MDGA2: variants seen among roughly 807,000 people sequenced by gnomAD.
MDGA2 encodes the protein MAM domain-containing glycosylphosphatidylinositol anchor protein 2.
In MDGA2, 40 loss-of-function variants were observed where a neutral mutation model predicts 117.8. The ratio of observed to expected loss-of-function variants is 0.34; its 90% confidence interval spans 0.26 to 0.44. The LOEUF (loss-of-function observed/expected upper bound fraction) is 0.44. Ranked by LOEUF, MDGA2 falls within the 20% of genes least tolerant of loss-of-function variation. The pLI, the probability that MDGA2 is intolerant of heterozygous loss-of-function variation, is 1.00. For missense variants in MDGA2, 1,123 were observed against 1,250.6 expected (o/e 0.90, Z 1.54); for synonymous variants, 452 against 439.0 (o/e 1.03, Z -0.37).
intron 4 of MDGA2, 133 bp downstream of exon 4, chr14:47,143,945 A>C: frequency 2.0e-6 from 1 of 502,536 alleles, no homozygotes. Flanking sequence ...CTAATCTTTA[A>C]GTCAAGCACA....
At chr14:47,094,650 G>C (rs1594613720) in intron 6 of MDGA2, among the ~76,000 whole-genome samples, 3 of 151,988 alleles carry the variant, frequency 2.0e-5, no homozygotes, top group East Asian at 3.9e-4. Context: ...CTTAAGGATA[G>C]ATGTTGCAGT....
At chr14:46,874,246 C>A (rs568046688) in intron 12 of MDGA2, 46 bp from the exon 13 acceptor site, 15 of 912,818 alleles carry the variant, frequency 1.6e-5, no homozygotes, top group Non-Finnish European at 2.2e-5. Context: ...AATTAATACA[C>A]ATACTGCAAT....
chr14:47,174,901 G>A (rs1156505974), intron 3 of MDGA2, among the ~76,000 whole-genome samples: 3 of 152,014 alleles, frequency 2.0e-5, no homozygotes, highest in African/African-American at 7.3e-5. Flanking sequence ...TAGACTGCTT[G>A]CAAGACTAAT....
At chr14:47,397,892 C>T (rs1249693789) in intron 1 of MDGA2, among the ~76,000 whole-genome samples, 1 of 152,074 alleles carries the variant, frequency 6.6e-6, no homozygotes, top group Non-Finnish European at 1.5e-5. Context: ...GCATTTGCCT[C>T]ACCTTTTTAG....
chr14:47,191,238 A>G lies in MDGA2; in HGVS notation c.595+26783T>C, dbSNP rs1369339692. ...CTTCAAATATTTGAAAACAATATGG[A>G]GACCCTAGAAACCTACCATAATGTT... is the stretch of plus-strand genomic sequence containing the variant. On this transcript the variant is annotated intron_variant, in intron 3 of 16. Transcript: ENST00000399232. Among the ~76,000 whole-genome samples, 3 of 151,914 alleles carry G rather than the reference A, an allele frequency of 2.0e-5. No individual in the cohort carries two copies. The East Asian group carries it at 5.8e-4, about 29-fold the overall frequency.
chr14:47,211,349 C>G (rs1308581548), intron 3 of MDGA2, among the ~76,000 whole-genome samples: 1 of 152,124 alleles, frequency 6.6e-6, no homozygotes, highest in Non-Finnish European at 1.5e-5. Flanking sequence ...ACCAAAAACA[C>G]AAGACTCCTG....
At chr14:47,633,239 G>A (rs1897268999) in intron 1 of MDGA2, among the ~76,000 whole-genome samples, 1 of 151,960 alleles carries the variant, frequency 6.6e-6, no homozygotes, top group Non-Finnish European at 1.5e-5. Context: ...AGCTCTTAAG[G>A]GTCAGGACTA....
intron 1 of MDGA2, among the ~76,000 whole-genome samples, chr14:47,553,083 G>A (rs538789899): frequency 7.9e-5 from 12 of 152,230 alleles, no homozygotes; most frequent in Middle Eastern, 3.4e-3. Flanking sequence ...AACCTGAGGC[G>A]GCCCTAACCT....
intron 7 of MDGA2, among the ~76,000 whole-genome samples, chr14:47,053,652 T>TACACACAC (rs1244737107): frequency 4.4e-5 from 4 of 91,784 alleles, no homozygotes; most frequent in Non-Finnish European, 8.7e-5. Context: ...TATATATATA[T>TACACACAC]ATACACACAC....
intron 2 of MDGA2, among the ~76,000 whole-genome samples, chr14:47,276,061 G>A (rs1888302093): frequency 6.6e-6 from 1 of 152,164 alleles, no homozygotes; most frequent in Non-Finnish European, 1.5e-5. Flanking sequence ...AAACACCTCT[G>A]TCAAGGCAGT....
intron 9 of MDGA2, among the ~76,000 whole-genome samples, chr14:46,947,053 A>G (rs1245073756): frequency 6.6e-6 from 1 of 152,072 alleles, no homozygotes; most frequent in Non-Finnish European, 1.5e-5. Context: ...CTTCTTTCTC[A>G]TATTCCATTC....
intron 3 of MDGA2, among the ~76,000 whole-genome samples, chr14:47,173,088 A>C (rs1047780764): frequency 6.6e-6 from 1 of 152,178 alleles, no homozygotes; most frequent in Non-Finnish European, 1.5e-5. Flanking sequence ...GCGAGAAGGG[A>C]AGTTTAGAGA....
intron 1 of MDGA2, among the ~76,000 whole-genome samples, chr14:47,518,375 C>T (rs1894798239): frequency 6.6e-6 from 1 of 151,926 alleles, no homozygotes; most frequent in East Asian, 1.9e-4. Flanking sequence ...TCTAAAAAAA[C>T]ACACGTTAAT....
rs924315670 is a variant in MDGA2, at chr14:46,952,843, A to G, written c.2089+4531T>C. ...GTAGAACTGAAATAGAGATTATGCT[A>G]TATATTTTATTTTAAATATTAATGA... is the stretch of plus-strand genomic sequence containing the variant. On this transcript the variant is annotated intron_variant, in intron 9 of 16. Coordinates refer to ENST00000399232, the MANE Select transcript of MDGA2 (RefSeq NM_001113498.3). Among the ~76,000 whole-genome samples, 5 of 152,098 alleles carry G rather than the reference A, an allele frequency of 3.3e-5. No individual in the cohort carries two copies. The East Asian group carries it at 5.8e-4, about 18-fold the overall frequency.
At chr14:47,503,421 C>CTTT (rs1180360462) in intron 1 of MDGA2, among the ~76,000 whole-genome samples, 17 of 133,706 alleles carry the variant, frequency 1.3e-4, no homozygotes, top group African/African-American at 4.3e-4. Context: ...CCTCTACTAC[C>CTTT]TTTTTTTTTT....
At chr14:47,054,816 C>A (rs1156465036) in intron 7 of MDGA2, among the ~76,000 whole-genome samples, 2 of 151,770 alleles carry the variant, frequency 1.3e-5, no homozygotes, top group African/African-American at 4.8e-5. Flanking sequence ...AAAGCTGAAA[C>A]TGGATCCCTT....
chr14:46,930,145 A>G (rs1884512627), intron 9 of MDGA2, among the ~76,000 whole-genome samples: 3 of 152,158 alleles, frequency 2.0e-5, no homozygotes, highest in Admixed American at 2.0e-4. Flanking sequence ...GAGAAGTTCA[A>G]TATTTCTAAC....
At chr14:47,574,636 A>G (rs190542005) in intron 1 of MDGA2, among the ~76,000 whole-genome samples, 402 of 152,260 alleles carry the variant, frequency 2.6e-3, no homozygotes, top group South Asian at 0.017. Flanking sequence ...TACCACTGCT[A>G]TTATTACTAA....
At chr14:46,979,322 C>T (rs1886581701) in intron 8 of MDGA2, among the ~76,000 whole-genome samples, 1 of 152,018 alleles carries the variant, frequency 6.6e-6, no homozygotes, top group South Asian at 2.1e-4. Context: ...TTCCTCTTCC[C>T]TGAGACACAA....
Sources: allele counts gnomAD v4.1 joint callset (sites outside exome capture counted in the v4.1 genomes callset), GRCh38; gene constraint gnomAD v4.1.1; transcripts MANE v1.5; gene names NCBI Gene and HGNC (gene_info 2026-07-23, HGNC 2026-07-21).